The following FAAH2 variants were observed in gnomAD, a reference collection of about 807,000 sequenced individuals.
FAAH2 encodes the protein fatty-acid amide hydrolase 2.
FAAH2 carries 60 observed loss-of-function variants against 36.9 expected under a neutral mutation model. That is an observed-to-expected ratio of 1.63 (90% CI 1.32 to 2.02). The LOEUF (loss-of-function observed/expected upper bound fraction) is 2.02. Among genes scored for constraint, FAAH2 ranks in the 30% most tolerant of loss-of-function variants. FAAH2 has a pLI of 0.00. For missense variants in FAAH2, 689 were observed against 397.5 expected, an observed-to-expected ratio of 1.73 and a Z score of -6.23; for synonymous variants, 214 against 143.8, an observed-to-expected ratio of 1.49 and a Z score of -3.49.
chrX:57,273,304 T>C, the FAAH2 span, among the ~76,000 whole-genome samples: 2 of 110,891 alleles, frequency 1.8e-5, no homozygotes, highest in Admixed American at 1.9e-4. Flanking sequence ...TCCCACACAA[T>C]AATAATGGGA....
the FAAH2 span, among the ~76,000 whole-genome samples, chrX:57,219,621 C>T: frequency 8.9e-6 from 1 of 111,795 alleles, no homozygotes; most frequent in African/African-American, 3.3e-5. Context: ...CTTAAGGGGA[C>T]GCCTCTAAGC....
chrX:57,484,082 G>A (rs1051636145), intron 10 of FAAH2, among the ~76,000 whole-genome samples: 5 of 110,851 alleles, frequency 4.5e-5, no homozygotes, highest in Non-Finnish European at 5.7e-5. Context: ...TGGGATTACA[G>A]ACATGAGCCA....
intron 7 of FAAH2, among the ~76,000 whole-genome samples, chrX:57,399,578 G>A (rs1260572572): frequency 1.8e-5 from 2 of 110,946 alleles, no homozygotes; most frequent in Non-Finnish European, 3.8e-5. Context: ...GGCTCTTTTG[G>A]CTTCAATATC....
chrX:57,373,269 G>C (rs1273796222), intron 5 of FAAH2, among the ~76,000 whole-genome samples: 1 of 111,159 alleles, frequency 9.0e-6, no homozygotes, highest in Non-Finnish European at 1.9e-5. Flanking sequence ...TGGATCAAAT[G>C]GTAAATCTAC....
At chrX:57,469,347 G>T (rs1010261197) in intron 10 of FAAH2, among the ~76,000 whole-genome samples, 2 of 111,406 alleles carry the variant, frequency 1.8e-5, no homozygotes, top group Middle Eastern at 4.2e-3. Flanking sequence ...CTGTATTCAG[G>T]AGACCCATCT....
intron 7 of FAAH2, among the ~76,000 whole-genome samples, chrX:57,425,538 C>T (rs1179999152): frequency 9.0e-6 from 1 of 111,458 alleles, no homozygotes; most frequent in Non-Finnish European, 1.9e-5. Flanking sequence ...ACTTTATAAG[C>T]CTGAAGAAAT....
chrX:57,367,844 G>C (rs1293124908), intron 5 of FAAH2, among the ~76,000 whole-genome samples: 1 of 111,953 alleles, frequency 8.9e-6, no homozygotes, highest in South Asian at 3.8e-4. Flanking sequence ...GCCAAGTTTG[G>C]AAAGCTGCCA....
At chrX:57,338,220 A>C (rs1161598718) in intron 4 of FAAH2, among the ~76,000 whole-genome samples, 1 of 111,402 alleles carries the variant, frequency 9.0e-6, no homozygotes, top group Non-Finnish European at 1.9e-5. Context: ...GTAAAGGAAA[A>C]TTACAGTCAA....
At chrX:57,473,030 AT>A (rs1481274668) in intron 10 of FAAH2, among the ~76,000 whole-genome samples, 1 of 110,269 alleles carries the variant, frequency 9.1e-6, no homozygotes, top group Non-Finnish European at 1.9e-5. Context: ...TCTCAATCCT[AT>A]TTAGTTAATC....
At chrX:57,246,537 T>G in the FAAH2 span, among the ~76,000 whole-genome samples, 1 of 111,854 alleles carries the variant, frequency 8.9e-6, no homozygotes, top group African/African-American at 3.2e-5. Context: ...CAATTCGGCT[T>G]CATCCCTGGG....
At chrX:57,465,389 G>A (rs1396869079) in intron 10 of FAAH2, among the ~76,000 whole-genome samples, 2 of 110,855 alleles carry the variant, frequency 1.8e-5, no homozygotes, top group African/African-American at 6.5e-5. Flanking sequence ...ACTCTAAGTA[G>A]GACAAATGCA....
chrX:57,261,378 C>A, the FAAH2 span, among the ~76,000 whole-genome samples: 2 of 108,299 alleles, frequency 1.8e-5, no homozygotes, highest in South Asian at 4.0e-4. Flanking sequence ...CATGGTGAAA[C>A]CCTGTCTCTA....
chrX:57,148,794 T>G, the FAAH2 span, among the ~76,000 whole-genome samples: 1 of 111,335 alleles, frequency 9.0e-6, no homozygotes, highest in Non-Finnish European at 1.9e-5. Context: ...CTTCCAACAC[T>G]AGTTGAATAG....
chrX:57,200,811 A>G, the FAAH2 span, among the ~76,000 whole-genome samples: 3 of 111,702 alleles, frequency 2.7e-5, no homozygotes, highest in Admixed American at 2.8e-4. Flanking sequence ...CATCACTATT[A>G]CTGTGTTATA....
At chrX:57,163,805 C>G in the FAAH2 span, among the ~76,000 whole-genome samples, 2 of 112,323 alleles carry the variant, frequency 1.8e-5, no homozygotes, top group Non-Finnish European at 3.8e-5. Context: ...GATGGAAATG[C>G]AGAAATCACC....
intron 4 of FAAH2, among the ~76,000 whole-genome samples, chrX:57,338,899 G>GA (rs201661008): frequency 2.9e-3 from 310 of 108,641 alleles, no homozygotes; most frequent in South Asian, 0.015. Flanking sequence ...AGAGAATTAG[G>GA]AAAAAAAAAC....
At chrX:57,165,340 C>T in the FAAH2 span, among the ~76,000 whole-genome samples, 1 of 112,524 alleles carries the variant, frequency 8.9e-6, no homozygotes, top group African/African-American at 3.2e-5. Flanking sequence ...CACATATACA[C>T]CATGGAATAC....
At chrX:57,246,423 A>T in the FAAH2 span, among the ~76,000 whole-genome samples, 1 of 111,907 alleles carries the variant, frequency 8.9e-6, no homozygotes, top group Non-Finnish European at 1.9e-5. Context: ...ACAAAACCAA[A>T]AAAGAAATTT....
the FAAH2 span, among the ~76,000 whole-genome samples, chrX:57,255,613 G>C: frequency 9.0e-6 from 1 of 111,705 alleles, no homozygotes; most frequent in East Asian, 2.8e-4. Flanking sequence ...ATGCAAGGTT[G>C]GTCCAACATT....
Sources: gnomAD v4.1 joint callset for allele counts (sites outside exome capture counted in the v4.1 genomes callset) on GRCh38, gnomAD v4.1.1 for gene constraint, MANE v1.5 for transcripts, NCBI Gene and HGNC (gene_info 2026-07-23, HGNC 2026-07-21) for gene names.